Variants in NR2F1-AS1 observed in about 807,000 individuals in gnomAD.
The protein encoded by NR2F1-AS1 is NR2F1 regulatory antisense RNA 1, also known as NR2F1 antisense RNA 1.
At chr5:93,571,986 G>C (rs1195222674) in intron 1 of NR2F1-AS1, among the ~76,000 whole-genome samples, 1 of 152,202 alleles carries the variant, frequency 6.6e-6, no homozygotes, top group Non-Finnish European at 1.5e-5. Flanking sequence ...TCGGGCAAAA[G>C]AAAGGGAAGG....
At chr5:93,445,633 T>G (rs1418922391) in intron 4 of NR2F1-AS1, among the ~76,000 whole-genome samples, 2 of 151,868 alleles carry the variant, frequency 1.3e-5, no homozygotes, top group Non-Finnish European at 2.9e-5. Flanking sequence ...AAAGAGGAGC[T>G]GGTACCATTC....
At chr5:93,507,603 C>A (rs1424333669) in intron 4 of NR2F1-AS1, among the ~76,000 whole-genome samples, 1 of 152,172 alleles carries the variant, frequency 6.6e-6, no homozygotes, top group Non-Finnish European at 1.5e-5. Flanking sequence ...GGTGATCAGC[C>A]TGCCTCGGCC....
intron 4 of NR2F1-AS1, among the ~76,000 whole-genome samples, chr5:93,414,136 C>T (rs1031640972): frequency 2.0e-5 from 3 of 152,122 alleles, no homozygotes; most frequent in Non-Finnish European, 4.4e-5. Context: ...CATACATATA[C>T]ACATAACCTT....
chr5:93,556,692 T>C (rs1752363549), intron 2 of NR2F1-AS1, among the ~76,000 whole-genome samples: 1 of 152,110 alleles, frequency 6.6e-6, no homozygotes, highest in Admixed American at 6.6e-5. Context: ...ATCACAGTGA[T>C]AGACTGTAAG....
At chr5:93,450,670 G>T (rs1749807948) in intron 4 of NR2F1-AS1, among the ~76,000 whole-genome samples, 1 of 151,978 alleles carries the variant, frequency 6.6e-6, no homozygotes, top group Non-Finnish European at 1.5e-5. Flanking sequence ...GTGGTTAGGG[G>T]TGGTAGTCAA....
chr5:93,585,185 C>A (rs557800691), upstream of NR2F1-AS1: 3,220 of 1,515,938 alleles, frequency 2.1e-3, 58 homozygotes, highest in African/African-American at 0.039. Flanking sequence ...CGCCGCAGAC[C>A]CCGGGCCAGC....
intron 4 of NR2F1-AS1, among the ~76,000 whole-genome samples, chr5:93,534,928 CTGTT>C (rs1380930849): frequency 3.9e-5 from 6 of 152,186 alleles, no homozygotes; most frequent in African/African-American, 1.2e-4. Flanking sequence ...TCCATTGTCA[CTGTT>C]TGTCCAAAAG....
chr5:93,526,935 A>C (rs1381628344), intron 4 of NR2F1-AS1, among the ~76,000 whole-genome samples: 1 of 152,228 alleles, frequency 6.6e-6, no homozygotes, highest in Non-Finnish European at 1.5e-5. Flanking sequence ...GAAAATCAGC[A>C]CAAGAAAAGG....
intron 4 of NR2F1-AS1, among the ~76,000 whole-genome samples, chr5:93,464,692 G>GT (rs2149865950): frequency 6.6e-6 from 1 of 152,220 alleles, no homozygotes; most frequent in Admixed American, 6.5e-5. Flanking sequence ...TGAGCTTCAG[G>GT]TTTTTTTCTC....
Position 93,429,679 on chromosome 5 carries a change from G to C in NR2F1-AS1, n.639-34137C>G, listed in dbSNP as rs55866908. Among the ~76,000 whole-genome samples the C allele has an allele frequency of 6.6e-3, 1,006 of 152,284 alleles. 16 individuals are homozygous for C. The highest frequency in any genetic ancestry group is 0.023 in the African/African-American group (955 of 41,560). On this transcript the variant is annotated intron_variant and non_coding_transcript_variant, in intron 4 of 5. Transcript: ENST00000660523. ...ATCAGTAACATATTCATGAAAGATG[G>C]TATGTGTATGAGCTGCAAAATGTTT...
At chr5:93,508,008 A>G (rs2149889331) in intron 4 of NR2F1-AS1, among the ~76,000 whole-genome samples, 1 of 152,312 alleles carries the variant, frequency 6.6e-6, no homozygotes, top group East Asian at 1.9e-4. Flanking sequence ...CCATGTTGGT[A>G]GATGAAAAAA....
At chr5:93,513,538 T>C (rs899760028) in intron 4 of NR2F1-AS1, among the ~76,000 whole-genome samples, 2 of 151,988 alleles carry the variant, frequency 1.3e-5, no homozygotes, top group South Asian at 2.1e-4. Context: ...TTATCCCAAG[T>C]GAATTAAGGC....
rs138324601 is a variant in NR2F1-AS1 at position 93,489,860 on chromosome 5, T to C, written n.638+63901A>G. 4.4e-3 allele frequency among the ~76,000 whole-genome samples: 670 copies of C among 152,294 alleles called. 4 individuals are homozygous for C. Among genetic ancestry groups the C allele is most frequent in the Non-Finnish European group, 6.5e-3 (440 of 68,020 alleles). Reference sequence around the variant, plus strand: ...AATTAATATACAATTCTTAAAATGATGGGATAGTCAGATGTTTGGTCTAGA... The same window carrying C: ...AATTAATATACAATTCTTAAAATGACGGGATAGTCAGATGTTTGGTCTAGA... On this transcript the variant is annotated intron_variant and non_coding_transcript_variant, in intron 4 of 5. Coordinates refer to ENST00000660523, the Ensembl canonical transcript of NR2F1-AS1.
intron 4 of NR2F1-AS1, among the ~76,000 whole-genome samples, chr5:93,528,243 T>C (rs376822026): frequency 3.2e-4 from 48 of 152,186 alleles, no homozygotes; most frequent in African/African-American, 1.1e-3. Flanking sequence ...AACCAACCTA[T>C]GAAAAAAAGC....
chr5:93,541,914 A>T (rs1292742984), intron 4 of NR2F1-AS1: 2 of 152,024 alleles, frequency 1.3e-5, no homozygotes, highest in Non-Finnish European at 2.9e-5. Context: ...AACAATCAAA[A>T]TTAATGTAAA....
upstream of NR2F1-AS1, among the ~76,000 whole-genome samples, chr5:93,581,657 TC>T (rs951305311): frequency 1.5e-5 from 2 of 132,932 alleles, no homozygotes; most frequent in African/African-American, 5.9e-5. Flanking sequence ...GATTCAGGAA[TC>T]GGGGTCTCGG....
intron 4 of NR2F1-AS1, among the ~76,000 whole-genome samples, chr5:93,551,119 A>G (rs1752218180): frequency 6.6e-6 from 1 of 152,120 alleles, no homozygotes; most frequent in Non-Finnish European, 1.5e-5. Context: ...TGACCAGAGT[A>G]TATAATGTCT....
chr5:93,510,086 C>T (rs960992000), intron 4 of NR2F1-AS1, among the ~76,000 whole-genome samples: 5 of 151,996 alleles, frequency 3.3e-5, no homozygotes, highest in African/African-American at 1.2e-4. Context: ...AGAATGGAGA[C>T]AAACGTGAAT....
At chr5:93,472,857 T>G (rs1157389103) in intron 4 of NR2F1-AS1, among the ~76,000 whole-genome samples, 1 of 151,926 alleles carries the variant, frequency 6.6e-6, no homozygotes, top group Non-Finnish European at 1.5e-5. Flanking sequence ...ATCTAAAAAT[T>G]TCCTATTTTG....
Sources: gnomAD v4.1 joint callset for allele counts (sites outside exome capture counted in the v4.1 genomes callset) on GRCh38, gnomAD v4.1.1 for gene constraint, MANE v1.5 for transcripts, NCBI Gene and HGNC (gene_info 2026-07-23, HGNC 2026-07-21) for gene names.